The following FOXN3 variants were observed in gnomAD, a reference collection of about 807,000 sequenced individuals.
The protein encoded by FOXN3 is forkhead box N3.
FOXN3 carries 7 observed loss-of-function variants against 38.4 expected under a neutral mutation model. The ratio of observed to expected loss-of-function variants is 0.18; its 90% CI spans 0.10 to 0.34. The LOEUF is 0.34. FOXN3 is among the 10% of genes least tolerant of loss of function. The probability of loss-of-function intolerance (pLI) is 1.00; values close to 1 mark genes in which losing one functional copy is unlikely to be tolerated. For synonymous variants in FOXN3, 230 were observed against 242.2 expected, an observed-to-expected ratio of 0.95 and a Z score of 0.47; for missense variants, 456 against 613.4, an observed-to-expected ratio of 0.74 and a Z score of 2.71.
chr14:89,198,021 C>G (rs534899231), intron 4 of FOXN3, among the ~76,000 whole-genome samples: 28 of 152,328 alleles, frequency 1.8e-4, no homozygotes, highest in Middle Eastern at 3.4e-3. Flanking sequence ...AGAAAAAATA[C>G]AGTCAGCCCT....
At chr14:89,281,897 T>G (rs1295892191) in intron 3 of FOXN3, among the ~76,000 whole-genome samples, 2 of 152,348 alleles carry the variant, frequency 1.3e-5, no homozygotes, top group African/African-American at 4.8e-5. Context: ...ATTATATTGG[T>G]TAATGCATTA....
At chr14:89,174,487 A>G (rs917369123) in intron 5 of FOXN3, among the ~76,000 whole-genome samples, 1 of 152,162 alleles carries the variant, frequency 6.6e-6, no homozygotes, top group African/African-American at 2.4e-5. Flanking sequence ...CACAACACAA[A>G]TAGGAGTGAT....
At position 89,452,130 on chromosome 14, in the gene FOXN3, C is replaced by T. The variant is rs1389237481; in HGVS notation, c.-14-39640G>A. Among the ~76,000 whole-genome samples, 4 of 152,172 alleles carry T rather than the reference C, an allele frequency of 2.6e-5. No homozygotes were observed. In the South Asian group the frequency reaches 8.3e-4, roughly 31 times the overall value. ...TGACTGATACCAGGGTCATGCCCTA[C>T]AACAGGCTGGGGGGAAAGCAGGGAC... On this transcript the variant is annotated intron_variant, in intron 1 of 6. Coordinates refer to the FOXN3 transcript ENST00000345097.
At chr14:89,167,428 C>T (rs1421987506) in intron 5 of FOXN3, among the ~76,000 whole-genome samples, 1 of 152,222 alleles carries the variant, frequency 6.6e-6, no homozygotes, top group Non-Finnish European at 1.5e-5. Context: ...TAAAGGATAT[C>T]ATGTAGGGTA....
At chr14:89,263,273 A>AT (rs1596139885) in intron 4 of FOXN3, among the ~76,000 whole-genome samples, 2 of 152,014 alleles carry the variant, frequency 1.3e-5, no homozygotes, top group African/African-American at 4.8e-5. Context: ...AAGGGTTTTC[A>AT]TTTTTTTCCT....
intron 5 of FOXN3, among the ~76,000 whole-genome samples, chr14:89,175,292 T>C (rs1032984986): frequency 6.6e-6 from 1 of 152,204 alleles, no homozygotes; most frequent in African/African-American, 2.4e-5. Flanking sequence ...CTCATATAAT[T>C]TGGCAACAAA....
chr14:89,187,556 G>A (rs948833615), intron 4 of FOXN3, among the ~76,000 whole-genome samples: 8 of 152,324 alleles, frequency 5.3e-5, no homozygotes, highest in Admixed American at 6.5e-5. Flanking sequence ...GGGCGATGCC[G>A]GCAGGGCAGG....
intron 1 of FOXN3, among the ~76,000 whole-genome samples, chr14:89,523,685 A>G (rs1320524263): frequency 2.6e-5 from 4 of 152,238 alleles, no homozygotes; most frequent in African/African-American, 7.2e-5. Context: ...TGTGTGGAAC[A>G]CTGCTAAAGC....
At chr14:89,468,961 C>A (rs557517538) in intron 1 of FOXN3, among the ~76,000 whole-genome samples, 10 of 152,304 alleles carry the variant, frequency 6.6e-5, no homozygotes, top group African/African-American at 2.4e-4. Flanking sequence ...TATACCCTGA[C>A]ACAAAAGCCA....
At chr14:89,243,409 T>C (rs1035341165) in intron 4 of FOXN3, among the ~76,000 whole-genome samples, 4 of 152,228 alleles carry the variant, frequency 2.6e-5, no homozygotes, top group Non-Finnish European at 5.9e-5. Flanking sequence ...GCCTGCCCGA[T>C]GCAAGCAGCA....
At chr14:89,574,374 G>C (rs1399172695) in intron 1 of FOXN3, among the ~76,000 whole-genome samples, 2 of 152,236 alleles carry the variant, frequency 1.3e-5, no homozygotes, top group African/African-American at 2.4e-5. Flanking sequence ...CTAACTTCCA[G>C]AATAAGGTTT....
At chr14:89,319,512 G>A (rs1887839820) in intron 3 of FOXN3, among the ~76,000 whole-genome samples, 1 of 152,100 alleles carries the variant, frequency 6.6e-6, no homozygotes, top group South Asian at 2.1e-4. Context: ...GACACCCTAT[G>A]CCTAGAGCAC....
At chr14:89,303,641 C>T (rs1887289246) in intron 3 of FOXN3, among the ~76,000 whole-genome samples, 1 of 152,206 alleles carries the variant, frequency 6.6e-6, no homozygotes, top group South Asian at 2.1e-4. Context: ...CTCATGCTCT[C>T]TTCATTGCCA....
intron 1 of FOXN3, among the ~76,000 whole-genome samples, chr14:89,463,016 G>A (rs1188364080): frequency 2.7e-5 from 4 of 150,514 alleles, no homozygotes; most frequent in African/African-American, 7.3e-5. Context: ...CCACCAGACC[G>A]GCCAGGCGCA....
rs188935019 is a variant in FOXN3, at chr14:89,156,627, C to T, written c.*5787G>A. 2.5e-3 allele frequency: 380 copies of T among 151,384 alleles called. 2 individuals carry two copies. The highest frequency in any genetic ancestry group is 9.0e-3 in the African/African-American group (372 of 41,282). The allele number at this position is 151,384 out of a possible 1,614,324, so 9.4% of individuals were successfully genotyped here. ...AGTAAACCTCTTGGTCTTCTGATTGCTTTATCACTTTTTTTTTTTTTCTGT... is the reference window on the plus strand; with the variant it reads ...AGTAAACCTCTTGGTCTTCTGATTGTTTTATCACTTTTTTTTTTTTTCTGT... On this transcript the variant is annotated 3_prime_UTR_variant, in exon 6 of 6. Transcript: ENST00000557258.
intron 1 of FOXN3, among the ~76,000 whole-genome samples, chr14:89,544,559 G>T (rs181657290): frequency 6.6e-6 from 1 of 152,268 alleles, no homozygotes; most frequent in African/African-American, 2.4e-5. Context: ...ACAGAGAAAG[G>T]TAAGACCTTG....
In FOXN3 at chr14:89,555,228, T is replaced by C. The variant is rs141291298; in HGVS notation, c.-15+63800A>G. On this transcript the variant is annotated intron_variant, in intron 1 of 6. Transcript: ENST00000345097. Reference sequence around the variant, plus strand: ...CTAGAGCTGCCTTACACTGTACAAGTGCAAGTACATCTGTAGGATAAATAT... The same window carrying C: ...CTAGAGCTGCCTTACACTGTACAAGCGCAAGTACATCTGTAGGATAAATAT... 4.9e-3 allele frequency among the ~76,000 whole-genome samples: 749 copies of C among 152,326 alleles called. 6 individuals are homozygous for C. The highest frequency in any genetic ancestry group is 0.017 in the African/African-American group (704 of 41,566).
intron 1 of FOXN3, among the ~76,000 whole-genome samples, chr14:89,440,418 AGGCCCAGAT>A (rs1223808759): frequency 6.6e-6 from 1 of 152,190 alleles, no homozygotes; most frequent in Admixed American, 6.5e-5. Flanking sequence ...TTGCACGTAT[AGGCCCAGAT>A]GGCCTGAAGT....
At chr14:89,394,511 C>T (rs56373405) in intron 2 of FOXN3, among the ~76,000 whole-genome samples, 56 of 152,210 alleles carry the variant, frequency 3.7e-4, no homozygotes, top group Non-Finnish European at 6.5e-4. Flanking sequence ...CCAGTCTCAA[C>T]TTTCTAATAC....
Sources: gnomAD v4.1 joint callset for allele counts (sites outside exome capture counted in the v4.1 genomes callset) on GRCh38, gnomAD v4.1.1 for gene constraint, MANE v1.5 for transcripts, NCBI Gene and HGNC (gene_info 2026-07-23, HGNC 2026-07-21) for gene names.